NEK5: variants seen among roughly 807,000 people sequenced by gnomAD.
NEK5 encodes the protein serine/threonine-protein kinase Nek5.
In NEK5, 88 loss-of-function variants were observed where a neutral mutation model predicts 109.2. The observed-to-expected ratio is 0.81, with a 90% CI of 0.68 to 0.96. The LOEUF is 0.96. Among genes scored for constraint, NEK5 ranks in the 40% least tolerant of loss-of-function variants. The pLI, the probability that NEK5 is intolerant of heterozygous loss-of-function variation, is 0.00. For synonymous variants in NEK5, 283 were observed against 299.9 expected (o/e 0.94, Z 0.58); for missense variants, 834 against 920.7 (o/e 0.91, Z 1.22).
chr13:52,101,215 A>G (rs1185595304), intron 11 of NEK5, among the ~76,000 whole-genome samples: 1 of 152,016 alleles, frequency 6.6e-6, no homozygotes, highest in Non-Finnish European at 1.5e-5. Context: ...TAGCTAACAC[A>G]GTGAAACCTC....
In NEK5 at chr13:52,034,794, G is replaced by C. The variant is rs1200524489; in HGVS notation, c.*2154C>G. 2.1e-5 allele frequency: 3 copies of C among 144,598 alleles called. No homozygotes were observed. Among genetic ancestry groups the C allele is most frequent in the African/African-American group, 7.7e-5 (3 of 39,050 alleles). The allele number at this position is 144,598 out of a possible 1,614,324, so 9.0% of individuals were successfully genotyped here. A position where few individuals can be genotyped will look rare whatever the true frequency, so the allele number is the denominator to read the frequency against. ...ACTCCTGGGCTCAAGCGATCCTCCT[G>C]CCTCAGCCTCTCAAAGTGTTGGGAT... On this transcript the variant is annotated 3_prime_UTR_variant, in exon 24 of 24. Coordinates refer to ENST00000684899, the MANE Select transcript of NEK5 (RefSeq NM_001365552.1).
At chr13:52,088,612 A>C (rs1955206890) in intron 14 of NEK5, among the ~76,000 whole-genome samples, 1 of 152,108 alleles carries the variant, frequency 6.6e-6, no homozygotes, top group African/African-American at 2.4e-5. Flanking sequence ...AAAGCACTAC[A>C]GCACTGCAAG....
At chr13:52,065,359 A>G (rs754545655) in intron 21 of NEK5, 125 bp downstream of exon 21, 1 of 1,309,526 alleles carries the variant, frequency 7.6e-7, no homozygotes, top group Admixed American at 1.7e-5. Context: ...AACATATTTG[A>G]AAGTGTCTGA....
At chr13:52,071,902 A>G (rs745639280) in intron 20 of NEK5, 42 bp downstream of exon 20, 14 of 1,595,934 alleles carry the variant, frequency 8.8e-6, no homozygotes, top group East Asian at 4.5e-5. Context: ...GGTTGCTAAT[A>G]AAACAGTTCC....
intron 12 of NEK5, among the ~76,000 whole-genome samples, chr13:52,097,361 T>C (rs1040926393): frequency 2.6e-5 from 4 of 152,050 alleles, no homozygotes; most frequent in African/African-American, 9.7e-5. Context: ...CCGCAGACAC[T>C]CAACAGCAGC....
intron 17 of NEK5, among the ~76,000 whole-genome samples, chr13:52,080,214 TGGG>T (rs553517630): frequency 8.3e-5 from 8 of 96,268 alleles, no homozygotes; most frequent in Non-Finnish European, 1.3e-4. Flanking sequence ...GGGAGGGAGG[TGGG>T]GGGGGGTCAG....
chr13:52,105,804 T>G, intron 8 of NEK5, among the ~76,000 whole-genome samples: 1 of 152,200 alleles, frequency 6.6e-6, no homozygotes, highest in East Asian at 1.9e-4. Context: ...CACCTGATTA[T>G]TGCTAAGATC....
intron 20 of NEK5, among the ~76,000 whole-genome samples, chr13:52,070,466 G>A (rs1954765747): frequency 6.6e-6 from 1 of 152,144 alleles, no homozygotes; most frequent in Admixed American, 6.5e-5. Flanking sequence ...TGAATCATGG[G>A]GGCGGATCTT....
intron 5 of NEK5, among the ~76,000 whole-genome samples, chr13:52,111,165 A>G (rs757080003): frequency 5.9e-5 from 9 of 152,340 alleles, no homozygotes; most frequent in Non-Finnish European, 1.2e-4. Context: ...GAGCCTCTTT[A>G]TGAAAATGTG....
intron 4 of NEK5, among the ~76,000 whole-genome samples, chr13:52,114,495 CTT>C (rs1478008366): frequency 6.6e-6 from 1 of 152,224 alleles, no homozygotes; most frequent in Admixed American, 6.5e-5. Flanking sequence ...TTCCTCCTCT[CTT>C]CTTTAAGAGA....
chr13:52,076,340 G>A (rs964854732), intron 17 of NEK5, among the ~76,000 whole-genome samples, 197 bp from the exon 18 acceptor site: 7 of 152,108 alleles, frequency 4.6e-5, no homozygotes, highest in African/African-American at 1.7e-4. Context: ...TCAGTGGGTG[G>A]AATTCTATAA....
At chr13:52,124,640 C>G (rs12431310) in intron 3 of NEK5, among the ~76,000 whole-genome samples, 80,583 of 152,030 alleles carry the variant, frequency 0.53, 22,918 homozygotes, top group Middle Eastern at 0.65. Flanking sequence ...ATTTTTGTAC[C>G]ATGACTTCAT....
chr13:52,081,459 C>A (rs770722420), intron 17 of NEK5, among the ~76,000 whole-genome samples: 18 of 152,106 alleles, frequency 1.2e-4, no homozygotes, highest in Admixed American at 2.0e-4. Flanking sequence ...ATAGCTGGAA[C>A]TATAGTCTCG....
chr13:52,088,912 GA>G (rs1955213356), intron 14 of NEK5, among the ~76,000 whole-genome samples: 2 of 151,894 alleles, frequency 1.3e-5, no homozygotes. Context: ...ACAACATGGT[GA>G]AACCCTGTCT....
At chr13:52,077,705 C>G (rs1398192446) in intron 17 of NEK5, among the ~76,000 whole-genome samples, 4 of 152,256 alleles carry the variant, frequency 2.6e-5, no homozygotes, top group African/African-American at 9.6e-5. Context: ...AAATATACAC[C>G]TACTATATGA....
At chr13:52,073,217 T>A (rs9535853) in intron 19 of NEK5, among the ~76,000 whole-genome samples, 78,526 of 152,030 alleles carry the variant, frequency 0.52, 22,892 homozygotes, top group Non-Finnish European at 0.65. Context: ...GAAAAGTAAA[T>A]TAAAATGTAA....
At chr13:52,058,094 T>G (rs1725967633) in intron 22 of NEK5, among the ~76,000 whole-genome samples, 2 of 150,858 alleles carry the variant, frequency 1.3e-5, no homozygotes, top group South Asian at 2.1e-4. Flanking sequence ...GATAAGCAAC[T>G]TCAGCAAAGT....
intron 22 of NEK5, among the ~76,000 whole-genome samples, chr13:52,050,626 T>TG (rs1041895185): frequency 4.0e-5 from 6 of 150,540 alleles, no homozygotes; most frequent in Non-Finnish European, 7.4e-5. Context: ...TTTTTTTTTT[T>TG]GCAGTTTTTT....
In NEK5 at chr13:52,112,346, A is replaced by T. The variant is rs1192643395; in HGVS notation, c.234T>A (p.Ile78=). 11 of 1,604,534 alleles carry T rather than the reference A, an allele frequency of 6.9e-6. No homozygotes were observed. The highest frequency in any genetic ancestry group is 9.4e-6 in the Non-Finnish European group (11 of 1,171,524). The part of the protein sequence containing the change: ...NSFQENGRLF[I]VMEYCDGGDL... ...CCCCTCCATCACAATATTCCATTAC[A>T]ATAAACAGCCTGCCATTCTCTGTAA... The change falls in exon 5 of 24, where the codon ATT becomes ATA. Residue 78 remains isoleucine, a synonymous_variant. Coordinates refer to ENST00000684899, the MANE Select transcript of NEK5 (RefSeq NM_001365552.1).
Sources: gnomAD v4.1 joint callset for allele counts (sites outside exome capture counted in the v4.1 genomes callset) on GRCh38, gnomAD v4.1.1 for gene constraint, MANE v1.5 for transcripts, NCBI Gene and HGNC (gene_info 2026-07-23, HGNC 2026-07-21) for gene names.